METTL25: variants seen among roughly 807,000 people sequenced by gnomAD.
METTL25 encodes the protein probable methyltransferase-like protein 25.
A neutral mutation model predicts 71.6 loss-of-function variants in METTL25; 64 were observed. That is an observed-to-expected ratio of 0.89 (90% CI 0.73 to 1.10). The LOEUF is 1.10. Ranked by LOEUF, METTL25 falls within the 50% of genes least tolerant of loss-of-function variation. The pLI is 0.00. For missense variants in METTL25, 807 were observed against 707.0 expected (o/e 1.14, Z -1.60); for synonymous variants, 287 against 250.3 (o/e 1.15, Z -1.38).
At position 82,365,283 on chromosome 12, in the gene METTL25, A is replaced by G. The variant is rs1018160051; in HGVS notation, c.259+6459A>G. On this transcript the variant is annotated intron_variant, in intron 1 of 11. Transcript: ENST00000248306. ...AATTTATTTGAAGAGACACAAATCA[A>G]TAACTGTTCTTTCCCTATGTGGAAA... Among the ~76,000 whole-genome samples the G allele has an allele frequency of 4.6e-5, 7 of 152,356 alleles. No individual in the cohort carries two copies. The East Asian group carries it at 5.8e-4, about 13-fold the overall frequency.
At chr12:82,452,362 G>A (rs898296225) in intron 8 of METTL25, among the ~76,000 whole-genome samples, 6 of 152,064 alleles carry the variant, frequency 3.9e-5, no homozygotes, top group Non-Finnish European at 7.4e-5. Flanking sequence ...ATTTAGCCAG[G>A]TGCAGTGGCT....
chr12:82,427,066 C>T (rs180799377), intron 5 of METTL25, among the ~76,000 whole-genome samples: 22 of 152,046 alleles, frequency 1.4e-4, no homozygotes, highest in African/African-American at 3.9e-4. Flanking sequence ...ACTAAGTATC[C>T]CATTTTCTGG....
At chr12:82,416,390 T>A (rs2137078747) in intron 5 of METTL25, among the ~76,000 whole-genome samples, 1 of 152,064 alleles carries the variant, frequency 6.6e-6, no homozygotes, top group East Asian at 1.9e-4. Context: ...ATTATTTTAT[T>A]AATCCTGAAG....
At chr12:82,429,348 T>C (rs1889299810) in intron 5 of METTL25, among the ~76,000 whole-genome samples, 1 of 149,460 alleles carries the variant, frequency 6.7e-6, no homozygotes, top group African/African-American at 2.5e-5. Context: ...GTGACTTCCG[T>C]TTCTACCCAT....
chr12:82,361,691 G>A (rs1045434729), intron 1 of METTL25, among the ~76,000 whole-genome samples: 14 of 152,146 alleles, frequency 9.2e-5, no homozygotes, highest in African/African-American at 1.9e-4. Context: ...TGGGGCCAGC[G>A]GTGCTGGCCG....
intron 3 of METTL25, among the ~76,000 whole-genome samples, chr12:82,397,219 G>C (rs73151460): frequency 0.06 from 9,066 of 152,086 alleles, 337 homozygotes; most frequent in Middle Eastern, 0.12. Context: ...TCTCACTGTG[G>C]TGGTTGTTTG....
rs1294099704 is a variant in METTL25, at chr12:82,384,131, A to G, written c.260-2672A>G. On this transcript the variant is annotated intron_variant, in intron 1 of 11. Transcript: ENST00000248306. ...TGTAGGCCAAACAATCAAGCCATAT[A>G]ATATGCAGGTGCGATAGGCAGCAAA... Among the ~76,000 whole-genome samples the G allele has an allele frequency of 2.0e-5, 3 of 152,184 alleles. No individual in the cohort carries two copies. In the East Asian group the frequency reaches 5.8e-4, roughly 29 times the overall value.
At chr12:82,427,840 A>T (rs1592707838) in intron 5 of METTL25, among the ~76,000 whole-genome samples, 1 of 151,960 alleles carries the variant, frequency 6.6e-6, no homozygotes, top group African/African-American at 2.4e-5. Context: ...AGCTATAAAA[A>T]GTTTGGCAAA....
At chr12:82,390,860 C>A (rs923937824) in intron 3 of METTL25, among the ~76,000 whole-genome samples, 1 of 152,086 alleles carries the variant, frequency 6.6e-6, no homozygotes, top group East Asian at 1.9e-4. Flanking sequence ...CCCCATGGTG[C>A]CATATCAAAA....
intron 8 of METTL25, among the ~76,000 whole-genome samples, chr12:82,452,410 G>A (rs1891214355): frequency 6.6e-6 from 1 of 152,184 alleles, no homozygotes; most frequent in Admixed American, 6.5e-5. Flanking sequence ...GGCTGAAGCA[G>A]GAGAATCACT....
intron 4 of METTL25, among the ~76,000 whole-genome samples, chr12:82,401,036 T>G (rs752535244): frequency 7.2e-5 from 11 of 152,084 alleles, no homozygotes; most frequent in Admixed American, 2.0e-4. Context: ...TCATAATCTC[T>G]AAATAAAACC....
At chr12:82,384,389 C>CA (rs1173026206) in intron 1 of METTL25, among the ~76,000 whole-genome samples, 7 of 151,194 alleles carry the variant, frequency 4.6e-5, no homozygotes, top group African/African-American at 1.5e-4. Flanking sequence ...CTCTCTCTCT[C>CA]TCTCTCTGTC....
At chr12:82,422,210 G>A (rs993351954) in intron 5 of METTL25, among the ~76,000 whole-genome samples, 2 of 152,094 alleles carry the variant, frequency 1.3e-5, no homozygotes, top group Non-Finnish European at 2.9e-5. Flanking sequence ...TGATCAAGTG[G>A]GCTTCATCCC....
rs1892849325 is a variant in METTL25 at position 82,475,856 on chromosome 12, T to TA, written c.1573-787dup. On this transcript the variant is annotated intron_variant, in intron 9 of 11. Transcript: ENST00000248306. Reference sequence around the variant, plus strand: ...TTTTGAAATATTTACCTTATATACTTACCATTTGAGCATCCCTAATCTGAA... The same window carrying TA: ...TTTTGAAATATTTACCTTATATACTTAACCATTTGAGCATCCCTAATCTGAA... 2.0e-5 allele frequency among the ~76,000 whole-genome samples: 3 copies of TA among 152,238 alleles called. No homozygotes were observed. The South Asian group carries it at 6.2e-4, about 32-fold the overall frequency.
intron 9 of METTL25, among the ~76,000 whole-genome samples, chr12:82,470,755 C>G (rs898769077): frequency 6.6e-6 from 1 of 152,120 alleles, no homozygotes; most frequent in Non-Finnish European, 1.5e-5. Context: ...GGGTCTTTTT[C>G]ATATCTAATG....
At chr12:82,410,768 G>A (rs1430192688) in intron 5 of METTL25, among the ~76,000 whole-genome samples, 1 of 152,040 alleles carries the variant, frequency 6.6e-6, no homozygotes. Context: ...TGAGATAAAT[G>A]CTGGTCACAT....
At chr12:82,359,477 A>C (rs1282229958) in intron 1 of METTL25, among the ~76,000 whole-genome samples, 1 of 152,208 alleles carries the variant, frequency 6.6e-6, no homozygotes, top group Non-Finnish European at 1.5e-5. Flanking sequence ...CCTTGGGATT[A>C]TTTAGGCAAC....
intron 8 of METTL25, chr12:82,439,918 T>C (rs1251105178): frequency 1.5e-6 from 1 of 678,672 alleles, no homozygotes; most frequent in Non-Finnish European, 1.8e-6. Context: ...TCTAAACCTT[T>C]CTTCTCACTT....
chr12:82,379,314 C>T (rs1416584940), intron 1 of METTL25, among the ~76,000 whole-genome samples: 1 of 152,070 alleles, frequency 6.6e-6, no homozygotes, highest in Non-Finnish European at 1.5e-5. Context: ...AATTACTGCA[C>T]TGAAATAAAT....
Sources: gnomAD v4.1 joint callset for allele counts (sites outside exome capture counted in the v4.1 genomes callset) on GRCh38, gnomAD v4.1.1 for gene constraint, MANE v1.5 for transcripts, NCBI Gene and HGNC (gene_info 2026-07-23, HGNC 2026-07-21) for gene names.